The following LARP4 variants were observed in gnomAD, a reference collection of about 807,000 sequenced individuals.
LARP4 encodes la-related protein 4.
Under a neutral mutation model 92.9 loss-of-function variants are expected in LARP4, and 29 were observed. The ratio of observed to expected loss-of-function variants is 0.31; its 90% CI spans 0.23 to 0.43. LARP4 has a LOEUF of 0.43. Among genes scored for constraint, LARP4 ranks in the 20% least tolerant of loss-of-function variants. The pLI, the probability that LARP4 is intolerant of heterozygous loss-of-function variation, is 1.00. For missense variants in LARP4, 732 were observed against 860.0 expected (o/e 0.85, Z 1.86); for synonymous variants, 279 against 284.1 (o/e 0.98, Z 0.18).
chr12:50,470,730 C>T (rs930695598), intron 13 of LARP4, among the ~76,000 whole-genome samples: 7 of 152,112 alleles, frequency 4.6e-5, no homozygotes, highest in African/African-American at 7.2e-5. Context: ...GTGTACGTCT[C>T]CTTATAACCC....
chr12:50,465,391 A>G (rs1011042829), intron 12 of LARP4, among the ~76,000 whole-genome samples: 21 of 107,496 alleles, frequency 2.0e-4, no homozygotes, highest in Admixed American at 1.5e-3. Context: ...AAAAAAAAAG[A>G]GAGATTAGAT....
chr12:50,437,913 AAAG>A, intron 6 of LARP4, 75 bp downstream of exon 6: 1 of 935,338 alleles, frequency 1.1e-6, no homozygotes, highest in Non-Finnish European at 1.6e-6. Context: ...CTTTCGTGGC[AAAG>A]AAGAAAAATT....
intron 12 of LARP4, among the ~76,000 whole-genome samples, chr12:50,466,575 C>T (rs1434430390): frequency 6.6e-6 from 1 of 151,982 alleles, no homozygotes; most frequent in Non-Finnish European, 1.5e-5. Flanking sequence ...GATTGTGTCA[C>T]TGCATTTCAG....
chr12:50,449,531 C>T (rs988009644), intron 8 of LARP4, among the ~76,000 whole-genome samples: 2 of 152,094 alleles, frequency 1.3e-5, no homozygotes, highest in African/African-American at 4.8e-5. Flanking sequence ...ATATTTCATG[C>T]ATTTTGGTAG....
At chr12:50,474,446 C>T (rs1957325062) in intron 15 of LARP4, among the ~76,000 whole-genome samples, 2 of 152,092 alleles carry the variant, frequency 1.3e-5, no homozygotes, top group African/African-American at 4.8e-5. Context: ...CTCCCGGGTT[C>T]ACGCCATTCT....
rs766250135 is a variant in LARP4 at position 50,479,737 on chromosome 12, A to G, written c.*3873A>G. On this transcript the variant is annotated 3_prime_UTR_variant, in exon 16 of 16. Transcript: ENST00000398473. ...GAACACTGTTGAAATATCCATATCAACTTGATTTTTTTAACCTAATTCAGG... is the reference window on the plus strand; with the variant it reads ...GAACACTGTTGAAATATCCATATCAGCTTGATTTTTTTAACCTAATTCAGG... 3 of 152,102 alleles carry G rather than the reference A, an allele frequency of 2.0e-5. No individual in the cohort carries two copies. The highest frequency in any genetic ancestry group is 4.4e-5 in the Non-Finnish European group (3 of 68,032). 9.4% of individuals were successfully genotyped at this position (152,102 alleles called of 1,614,324 possible). A position where few individuals can be genotyped will look rare whatever the true frequency, so the allele number is the denominator to read the frequency against.
At chr12:50,447,658 A>T (rs1952432345) in intron 8 of LARP4, among the ~76,000 whole-genome samples, 2 of 151,936 alleles carry the variant, frequency 1.3e-5, no homozygotes, top group African/African-American at 2.4e-5. Flanking sequence ...GCACACTGCC[A>T]CCTTGAACTC....
chr12:50,465,468 G>T (rs1158913583), intron 12 of LARP4, among the ~76,000 whole-genome samples: 1 of 152,120 alleles, frequency 6.6e-6, no homozygotes, highest in Non-Finnish European at 1.5e-5. Flanking sequence ...AAAGAAACAG[G>T]CATGACTTCC....
At chr12:50,417,544 T>C (rs1053319177) in intron 1 of LARP4, among the ~76,000 whole-genome samples, 2 of 152,192 alleles carry the variant, frequency 1.3e-5, no homozygotes, top group Non-Finnish European at 2.9e-5. Context: ...GCTATAGTTA[T>C]TCATGGTGCT....
intron 6 of LARP4, among the ~76,000 whole-genome samples, chr12:50,439,153 GT>G (rs1048049762): frequency 3.9e-5 from 6 of 152,248 alleles, no homozygotes; most frequent in Non-Finnish European, 8.8e-5. Context: ...TGCCTAGGCT[GT>G]TCTCAAGCCT....
At chr12:50,446,003 C>CTTTTTTTTTTTTTTTT (rs71441367) in intron 8 of LARP4, among the ~76,000 whole-genome samples, 15 of 126,938 alleles carry the variant, frequency 1.2e-4, no homozygotes, top group Non-Finnish European at 1.7e-4. Context: ...TTTCTTTTTT[C>CTTTTTTTTTTTTTTTT]TTTTTTTTTT....
intron 4 of LARP4, among the ~76,000 whole-genome samples, chr12:50,433,295 T>G (rs1290499157): frequency 1.4e-5 from 2 of 147,494 alleles, no homozygotes; most frequent in Non-Finnish European, 3.0e-5. Flanking sequence ...TTTTTGTAGT[T>G]TATCCCAGCT....
At chr12:50,420,946 G>GTTTTTTTTTTTT (rs1592885035) in intron 1 of LARP4, 1 of 44,624 alleles carries the variant, frequency 2.2e-5, no homozygotes, top group African/African-American at 4.3e-5. Context: ...AATAACCTTT[G>GTTTTTTTTTTTT]CTTTTTTTTT....
intron 5 of LARP4, among the ~76,000 whole-genome samples, chr12:50,436,969 A>G (rs1459403485): frequency 6.6e-6 from 1 of 152,246 alleles, no homozygotes; most frequent in African/African-American, 2.4e-5. Flanking sequence ...TTGTAGAGAC[A>G]TCATTTCTTA....
chr12:50,476,952 T>C lies in LARP4; in HGVS notation c.*1088T>C, dbSNP rs1957577698. ...GCAGACTGACCGTACAGTAATTTATTTGTCGTTAGTGTTAAAGATTAAGCA... is the reference window on the plus strand; with the variant it reads ...GCAGACTGACCGTACAGTAATTTATCTGTCGTTAGTGTTAAAGATTAAGCA... On this transcript the variant is annotated 3_prime_UTR_variant, in exon 16 of 16. Coordinates refer to ENST00000398473, the MANE Select transcript of LARP4 (RefSeq NM_052879.5). 6.6e-6 allele frequency: 1 copy of C among 152,302 alleles called. No individual in the cohort carries two copies. Among genetic ancestry groups the C allele is most frequent in the Non-Finnish European group, 1.5e-5 (1 of 68,022 alleles). 9.4% of individuals were successfully genotyped at this position (152,302 alleles called of 1,614,324 possible).
Position 50,463,420 on chromosome 12 carries a change from C to CAAAAA in LARP4, c.1383+814_1383+818dup, listed in dbSNP as rs56129178. 9.1e-5 allele frequency among the ~76,000 whole-genome samples: 8 copies of CAAAAA among 87,636 alleles called. 2 individuals are homozygous for CAAAAA. The highest frequency in any genetic ancestry group is 2.1e-4 in the African/African-American group (4 of 19,494). The allele number at this position is 87,636 out of a possible 152,430, so 57.5% of individuals were successfully genotyped here. The stretch of plus-strand genomic sequence containing the variant: ...GCAAGGTGATGAAACCCCATCTCTC[C>CAAAAA]AAAAAAAAAAAAAAAAAAAAAAAAA... On this transcript the variant is annotated intron_variant, in intron 12 of 15. Coordinates refer to ENST00000398473, the MANE Select transcript of LARP4 (RefSeq NM_052879.5).
At chr12:50,434,197 C>A (rs577290128) in intron 4 of LARP4, among the ~76,000 whole-genome samples, 8 of 152,168 alleles carry the variant, frequency 5.3e-5, no homozygotes, top group African/African-American at 1.4e-4. Context: ...GAACAGTACT[C>A]TTTGAGAAGG....
intron 12 of LARP4, among the ~76,000 whole-genome samples, chr12:50,465,732 A>G (rs1486335791): frequency 6.6e-6 from 1 of 152,226 alleles, no homozygotes; most frequent in Non-Finnish European, 1.5e-5. Context: ...GTAATGGACA[A>G]ATGTTATCTC....
intron 1 of LARP4, among the ~76,000 whole-genome samples, chr12:50,420,600 C>T (rs1186580934): frequency 6.6e-6 from 1 of 152,144 alleles, no homozygotes; most frequent in African/African-American, 2.4e-5. Flanking sequence ...GGCAGCTAAC[C>T]TGATGGCTGA....
Sources: gnomAD v4.1 joint callset for allele counts (sites outside exome capture counted in the v4.1 genomes callset) on GRCh38, gnomAD v4.1.1 for gene constraint, MANE v1.5 for transcripts, NCBI Gene and HGNC (gene_info 2026-07-23, HGNC 2026-07-21) for gene names.